The following TRAK1 variants were observed in gnomAD, a reference collection of about 807,000 sequenced individuals.
The protein encoded by TRAK1 is trafficking kinesin-binding protein 1.
Under a neutral mutation model 92.1 loss-of-function variants are expected in TRAK1, and 33 were observed. The ratio of observed to expected loss-of-function variants is 0.36; its 90% CI spans 0.27 to 0.48. The LOEUF (loss-of-function observed/expected upper bound fraction) is 0.48, where lower values mean the gene tolerates loss of function less well. TRAK1 is among the 20% of genes least tolerant of loss of function. The pLI is 0.99. For synonymous variants in TRAK1, 521 were observed against 517.3 expected (o/e 1.01, Z -0.10); for missense variants, 1,123 against 1,257.9 (o/e 0.89, Z 1.62).
At chr3:42,127,357 T>G (rs989009948) in intron 2 of TRAK1, among the ~76,000 whole-genome samples, 14 of 151,322 alleles carry the variant, frequency 9.3e-5, no homozygotes, top group Non-Finnish European at 2.9e-5. Flanking sequence ...CTTTTTTTTT[T>G]TTTTTTTTTG....
intron 1 of TRAK1, among the ~76,000 whole-genome samples, chr3:42,030,495 A>G (rs1055478057): frequency 6.7e-6 from 1 of 150,258 alleles, no homozygotes; most frequent in Admixed American, 6.6e-5. Flanking sequence ...CAACGTGATG[A>G]AACCCCATCT....
At chr3:42,179,690 A>G (rs1024843915) in intron 3 of TRAK1, among the ~76,000 whole-genome samples, 1 of 152,206 alleles carries the variant, frequency 6.6e-6, no homozygotes, top group Admixed American at 6.5e-5. Flanking sequence ...GACTCAAGTT[A>G]CAGTCTTTTT....
chr3:42,167,246 A>C (rs1216007740), intron 2 of TRAK1, among the ~76,000 whole-genome samples: 1 of 152,162 alleles, frequency 6.6e-6, no homozygotes, highest in African/African-American at 2.4e-5. Flanking sequence ...TCGATTAGAA[A>C]TGAGCTCTTC....
At chr3:42,149,429 G>A (rs1425544090) in intron 2 of TRAK1, 1 of 1,511,872 alleles carries the variant, frequency 6.6e-7, no homozygotes, top group Non-Finnish European at 8.8e-7. Context: ...TGTGTTTCGG[G>A]ATATTCTTCT....
At position 42,144,459 on chromosome 3, in the gene TRAK1, G is replaced by A. The variant is rs1328521804; in HGVS notation, c.286+18845G>A. On this transcript the variant is annotated intron_variant, in intron 2 of 15. Coordinates refer to ENST00000327628, the MANE Select transcript of TRAK1 (RefSeq NM_001042646.3). Reference sequence around the variant, plus strand: ...ACTGATGTTATCTAATAAGGTCACAGACATGGAAAACAAAGAGCCTGTACC... The same window carrying A: ...ACTGATGTTATCTAATAAGGTCACAAACATGGAAAACAAAGAGCCTGTACC... 2.6e-5 allele frequency among the ~76,000 whole-genome samples: 4 copies of A among 152,120 alleles called. No individual in the cohort carries two copies. The East Asian group carries it at 7.7e-4, about 29-fold the overall frequency.
At chr3:42,087,699 C>T (rs1205521548), upstream of TRAK1, among the ~76,000 whole-genome samples, 1 of 152,258 alleles carries the variant, frequency 6.6e-6, no homozygotes, top group African/African-American at 2.4e-5. Flanking sequence ...GAGCAGCAAG[C>T]ATGGCCCATC....
chr3:42,151,457 C>A (rs1699943152), intron 2 of TRAK1: 2 of 433,838 alleles, frequency 4.6e-6, no homozygotes, highest in Middle Eastern at 3.4e-4. Context: ...TTATTTATTT[C>A]TGAATTATTG....
chr3:42,212,027 G>C (rs1709104476), intron 14 of TRAK1: 1 of 985,310 alleles, frequency 1.0e-6, no homozygotes, highest in African/African-American at 1.7e-5. Context: ...ACTGGCTTCA[G>C]AGGGGAGAGG....
At chr3:42,070,390 CA>C (rs1241553897) in intron 1 of TRAK1, among the ~76,000 whole-genome samples, 3 of 151,348 alleles carry the variant, frequency 2.0e-5, no homozygotes, top group Non-Finnish European at 4.4e-5. Context: ...TCACTAGTGA[CA>C]TTTTTTTTCC....
chr3:42,144,661 T>C (rs1271448629), intron 2 of TRAK1, among the ~76,000 whole-genome samples: 1 of 152,014 alleles, frequency 6.6e-6, no homozygotes, highest in Admixed American at 6.6e-5. Context: ...AGCAAGCAAA[T>C]AAGGGATTTG....
intron 1 of TRAK1, among the ~76,000 whole-genome samples, chr3:42,109,317 T>A (rs1268478023): frequency 6.6e-6 from 1 of 152,190 alleles, no homozygotes; most frequent in Non-Finnish European, 1.5e-5. Flanking sequence ...TCAAACCCAA[T>A]AAAATCCAGA....
chr3:42,104,125 G>T (rs1407400887), intron 1 of TRAK1, among the ~76,000 whole-genome samples: 1 of 152,176 alleles, frequency 6.6e-6, no homozygotes, highest in Non-Finnish European at 1.5e-5. Context: ...TGGGAGAGGG[G>T]CGTCCACCAT....
At chr3:42,207,907 TG>T (rs1334304539) in intron 13 of TRAK1, among the ~76,000 whole-genome samples, 1 of 152,176 alleles carries the variant, frequency 6.6e-6, no homozygotes, top group Admixed American at 6.5e-5. Context: ...TTCTTTGTTG[TG>T]GGGGCTGTCC....
intron 1 of TRAK1, among the ~76,000 whole-genome samples, chr3:42,064,818 C>T (rs186145667): frequency 2.6e-5 from 4 of 151,770 alleles, no homozygotes; most frequent in East Asian, 1.9e-4. Context: ...TTTGGGAGGC[C>T]GAGGCGGGCA....
intron 2 of TRAK1, among the ~76,000 whole-genome samples, chr3:42,156,934 A>G (rs914180158): frequency 6.6e-6 from 1 of 152,126 alleles, no homozygotes; most frequent in Non-Finnish European, 1.5e-5. Flanking sequence ...CGAGTGGATC[A>G]GTTGAGGTCA....
At chr3:42,096,465 G>C (rs1419869486) in intron 1 of TRAK1, among the ~76,000 whole-genome samples, 3 of 152,190 alleles carry the variant, frequency 2.0e-5, no homozygotes, top group Non-Finnish European at 4.4e-5. Flanking sequence ...TGTTGGCCAG[G>C]CTGGTCTCGA....
intron 1 of TRAK1, among the ~76,000 whole-genome samples, chr3:42,033,642 CCA>C (rs1188483391): frequency 3.3e-5 from 5 of 152,050 alleles, no homozygotes; most frequent in Non-Finnish European, 1.5e-5. Flanking sequence ...AGCCTATGAG[CCA>C]CAGTTTTTTC....
At chr3:42,103,979 G>A (rs772995014) in intron 1 of TRAK1, among the ~76,000 whole-genome samples, 2 of 152,126 alleles carry the variant, frequency 1.3e-5, no homozygotes, top group African/African-American at 2.4e-5. Context: ...CTAATACTGC[G>A]CTTTTCCAAT....
rs569076789 is a variant in TRAK1, at chr3:42,020,141, C to T, written c.-519+6024C>T. ...GCTCACGAGAGGGACAATGCTGTCT[C>T]GGTTTCTGCCTGACTTTTGGTTGCT... On this transcript the variant is annotated intron_variant, in intron 1 of 16. Coordinates refer to the TRAK1 transcript ENST00000487159. Among the ~76,000 whole-genome samples the T allele has an allele frequency of 9.8e-5, 15 of 152,316 alleles. No homozygotes were observed. In the Middle Eastern group the frequency reaches 0.01, roughly 104 times the overall value.
Sources: allele counts gnomAD v4.1 joint callset (sites outside exome capture counted in the v4.1 genomes callset), GRCh38; gene constraint gnomAD v4.1.1; transcripts MANE v1.5; gene names NCBI Gene and HGNC (gene_info 2026-07-23, HGNC 2026-07-21).